The following STK33 variants were observed in gnomAD, a reference collection of about 807,000 sequenced individuals.
The protein encoded by STK33 is serine/threonine kinase 33, also known as serine/threonine-protein kinase 33.
Under a neutral mutation model 58.0 loss-of-function variants are expected in STK33, and 52 were observed. The observed-to-expected ratio is 0.90, with a 90% confidence interval of 0.72 to 1.13. The LOEUF (loss-of-function observed/expected upper bound fraction) is 1.13. STK33 is among the 50% of genes most tolerant of loss of function. The pLI is 0.00. For missense variants in STK33, 630 were observed against 604.2 expected, an observed-to-expected ratio of 1.04 and a Z score of -0.45; for synonymous variants, 215 against 200.1, an observed-to-expected ratio of 1.07 and a Z score of -0.63.
intron 1 of STK33, chr11:8,566,019 G>C (rs966784634): frequency 5.3e-5 from 8 of 152,078 alleles, no homozygotes; most frequent in Non-Finnish European, 1.2e-4. Context: ...CTGCCTAAAA[G>C]GCTTTATTTA....
chr11:8,430,077 C>T (rs780525509), intron 14 of STK33, among the ~76,000 whole-genome samples: 8 of 152,130 alleles, frequency 5.3e-5, no homozygotes, highest in Non-Finnish European at 1.2e-4. Flanking sequence ...GAGTGCCTTT[C>T]AGTAGTAAGT....
At chr11:8,579,956 A>T (rs1360043277) in intron 1 of STK33, among the ~76,000 whole-genome samples, 1 of 152,174 alleles carries the variant, frequency 6.6e-6, no homozygotes, top group Non-Finnish European at 1.5e-5. Context: ...TATCCAAAAG[A>T]CAGGCAATAA....
rs555276736 is a variant in STK33, at chr11:8,492,203, T to C, written c.-465-11589A>G. Among the ~76,000 whole-genome samples, 75 of 151,914 alleles carry C rather than the reference T, an allele frequency of 4.9e-4. 1 individual carries two copies. The highest frequency in any genetic ancestry group is 1.7e-3 in the African/African-American group (72 of 41,398). ...GTGTGCTGTATTCAGGAAACCCATC[T>C]CACGTGCAGAGACACACATAGGCTC... On this transcript the variant is annotated intron_variant, in intron 1 of 15. Coordinates refer to ENST00000687296, the MANE Select transcript of STK33 (RefSeq NM_001352389.2).
At chr11:8,425,279 A>G (rs373847222) in intron 14 of STK33, among the ~76,000 whole-genome samples, 1 of 152,170 alleles carries the variant, frequency 6.6e-6, no homozygotes, top group East Asian at 1.9e-4. Flanking sequence ...CAGGTTTGTC[A>G]AAGATCAGAT....
intron 14 of STK33, among the ~76,000 whole-genome samples, chr11:8,434,854 G>A (rs1404707486): frequency 6.6e-6 from 1 of 152,124 alleles, no homozygotes; most frequent in Non-Finnish European, 1.5e-5. Context: ...CTTTTAACTG[G>A]ACAGCAATGT....
intron 1 of STK33, among the ~76,000 whole-genome samples, chr11:8,560,740 T>C (rs938666883): frequency 6.6e-6 from 1 of 152,180 alleles, no homozygotes; most frequent in Non-Finnish European, 1.5e-5. Context: ...CTGTTCTAAG[T>C]ACCTGACACA....
intron 15 of STK33, among the ~76,000 whole-genome samples, chr11:8,410,474 T>TTTC (rs1554905581): frequency 3.4e-5 from 5 of 146,058 alleles, no homozygotes; most frequent in Non-Finnish European, 7.5e-5. Context: ...TCTTTTCTTT[T>TTTC]TTTTTTTTTT....
chr11:8,584,112 A>G (rs1172188705), intron 1 of STK33, among the ~76,000 whole-genome samples: 10 of 32,608 alleles, frequency 3.1e-4, no homozygotes, highest in Non-Finnish European at 5.6e-4. Context: ...ATTTAGATGA[A>G]AAAAAAAAAA....
chr11:8,365,177 C>T, the STK33 span, among the ~76,000 whole-genome samples: 1 of 152,232 alleles, frequency 6.6e-6, no homozygotes, highest in African/African-American at 2.4e-5. Flanking sequence ...CACTCAGCTG[C>T]CCTCCACAGG....
intron 15 of STK33, among the ~76,000 whole-genome samples, chr11:8,395,439 T>C (rs1160576596): frequency 6.6e-6 from 1 of 152,236 alleles, no homozygotes; most frequent in African/African-American, 2.4e-5. Flanking sequence ...TGTGAGTCCA[T>C]TAAACCTCTT....
chr11:8,586,822 TAAAAAAAAAAA>T (rs56064924), intron 1 of STK33, among the ~76,000 whole-genome samples: 2 of 78,220 alleles, frequency 2.6e-5, no homozygotes, highest in Non-Finnish European at 4.7e-5. Context: ...AGACTCTGTC[TAAAAAAAAAAA>T]AAAAAAAAAA....
At chr11:8,377,751 T>C in the STK33 span, among the ~76,000 whole-genome samples, 2 of 152,160 alleles carry the variant, frequency 1.3e-5, no homozygotes, top group African/African-American at 4.8e-5. Context: ...ATTTGATAAA[T>C]AAATTCAGTA....
At chr11:8,423,723 G>A (rs890371504) in intron 14 of STK33, among the ~76,000 whole-genome samples, 24 of 152,010 alleles carry the variant, frequency 1.6e-4, no homozygotes, top group Middle Eastern at 6.8e-3. Context: ...ACTAGAATAA[G>A]CTTGTCATAT....
chr11:8,580,022 G>A (rs2029870140), intron 1 of STK33, among the ~76,000 whole-genome samples: 1 of 152,128 alleles, frequency 6.6e-6, no homozygotes, highest in African/African-American at 2.4e-5. Flanking sequence ...TTTTTGGGAT[G>A]TAAATTAGTA....
intron 1 of STK33, among the ~76,000 whole-genome samples, chr11:8,521,027 T>G (rs942559487): frequency 2.7e-5 from 4 of 149,608 alleles, no homozygotes; most frequent in Non-Finnish European, 5.9e-5. Flanking sequence ...ATTTATTATA[T>G]TTATTTATAA....
intron 14 of STK33, among the ~76,000 whole-genome samples, chr11:8,413,896 T>G (rs995520790): frequency 6.6e-6 from 1 of 152,170 alleles, no homozygotes; most frequent in Non-Finnish European, 1.5e-5. Flanking sequence ...TGATATCACG[T>G]GTAATATGTC....
chr11:8,382,523 G>A, the STK33 span, among the ~76,000 whole-genome samples: 1 of 152,360 alleles, frequency 6.6e-6, no homozygotes, highest in East Asian at 1.9e-4. Flanking sequence ...GTAGCATGGG[G>A]AGAGAGGGCT....
intron 8 of STK33, among the ~76,000 whole-genome samples, chr11:8,459,112 A>G (rs550390670): frequency 5.9e-5 from 9 of 152,230 alleles, no homozygotes; most frequent in Non-Finnish European, 1.3e-4. Flanking sequence ...CAGTACTTGA[A>G]ATATAAATTG....
chr11:8,543,335 G>A (rs1297310055), intron 1 of STK33, among the ~76,000 whole-genome samples: 2 of 152,016 alleles, frequency 1.3e-5, no homozygotes, highest in Admixed American at 6.6e-5. Context: ...TATTTTATTT[G>A]GCCACATTTG....
Sources: allele counts gnomAD v4.1 joint callset (sites outside exome capture counted in the v4.1 genomes callset), GRCh38; gene constraint gnomAD v4.1.1; transcripts MANE v1.5; gene names NCBI Gene and HGNC (gene_info 2026-07-23, HGNC 2026-07-21).